The following SLC16A2 variants were observed in gnomAD, a reference collection of about 807,000 sequenced individuals.
SLC16A2 encodes the protein solute carrier family 16 member 2, also known as monocarboxylate transporter 8.
SLC16A2 carries 3 observed loss-of-function variants against 27.2 expected under a neutral mutation model. The ratio of observed to expected loss-of-function variants is 0.11; its 90% CI spans 0.05 to 0.28. SLC16A2 has a LOEUF of 0.28. Among genes scored for constraint, SLC16A2 ranks in the 10% least tolerant of loss-of-function variants. The pLI, the probability that SLC16A2 is intolerant of heterozygous loss-of-function variation, is 1.00. For missense variants in SLC16A2, 295 were observed against 458.5 expected, an observed-to-expected ratio of 0.64 and a Z score of 3.26; for synonymous variants, 202 against 187.8, an observed-to-expected ratio of 1.08 and a Z score of -0.62.
chrX:74,457,325 C>A (rs1339792307), intron 1 of SLC16A2, among the ~76,000 whole-genome samples: 2 of 111,227 alleles, frequency 1.8e-5, no homozygotes, highest in Non-Finnish European at 3.8e-5. Flanking sequence ...GATCAAGGAT[C>A]ACTGCTCAGG....
chrX:74,482,884 T>C (rs1245131908), intron 1 of SLC16A2, among the ~76,000 whole-genome samples: 1 of 111,144 alleles, frequency 9.0e-6, no homozygotes, highest in African/African-American at 3.3e-5. Flanking sequence ...ATTTTGTTTA[T>C]TTTTTGTAGA....
intron 1 of SLC16A2, among the ~76,000 whole-genome samples, chrX:74,507,766 G>A (rs1032944315): frequency 8.9e-6 from 1 of 111,982 alleles, no homozygotes; most frequent in African/African-American, 3.2e-5. Context: ...TAGAACTGGA[G>A]GCCATTATCT....
intron 1 of SLC16A2, among the ~76,000 whole-genome samples, chrX:74,496,691 G>T (rs1184808937): frequency 8.9e-6 from 1 of 112,540 alleles, no homozygotes; most frequent in Non-Finnish European, 1.9e-5. Context: ...CTGTATCCTG[G>T]GTTCTTGCCT....
intron 1 of SLC16A2, among the ~76,000 whole-genome samples, chrX:74,428,489 C>G (rs1167802420): frequency 9.0e-6 from 1 of 111,336 alleles, no homozygotes; most frequent in Non-Finnish European, 1.9e-5. Flanking sequence ...CCCTTTTTTC[C>G]CAGTATTGTT....
intron 1 of SLC16A2, among the ~76,000 whole-genome samples, chrX:74,510,896 T>TAA (rs576905046): frequency 0.013 from 1,184 of 92,994 alleles, 12 homozygotes; most frequent in African/African-American, 0.034. Flanking sequence ...TTCAAAAACT[T>TAA]AAAAAAAAAA....
At chrX:74,459,927 A>G (rs1021914884) in intron 1 of SLC16A2, among the ~76,000 whole-genome samples, 1 of 111,734 alleles carries the variant, frequency 8.9e-6, no homozygotes, top group Non-Finnish European at 1.9e-5. Flanking sequence ...CAGAACAAGT[A>G]CTGGGATGTC....
intron 1 of SLC16A2, among the ~76,000 whole-genome samples, chrX:74,476,264 C>A (rs1177673343): frequency 1.8e-5 from 2 of 111,477 alleles, no homozygotes; most frequent in Non-Finnish European, 1.9e-5. Context: ...GAGTTCACTC[C>A]TGATTTGGCT....
intron 1 of SLC16A2, among the ~76,000 whole-genome samples, chrX:74,429,400 C>T (rs1239296055): frequency 8.4e-5 from 9 of 107,556 alleles, no homozygotes; most frequent in Non-Finnish European, 1.2e-4. Context: ...TGAGCCAAGG[C>T]GGTTGACGTT....
intron 1 of SLC16A2, among the ~76,000 whole-genome samples, chrX:74,423,564 A>G (rs1928352419): frequency 9.0e-6 from 1 of 111,557 alleles, no homozygotes; most frequent in Non-Finnish European, 1.9e-5. Context: ...CGATGAAGAT[A>G]GTGCGTCAGT....
At chrX:74,501,947 T>C (rs1602134308) in intron 1 of SLC16A2, among the ~76,000 whole-genome samples, 1 of 111,612 alleles carries the variant, frequency 9.0e-6, no homozygotes, top group African/African-American at 3.3e-5. Flanking sequence ...TGTACCCTAG[T>C]ACTTAAAGTA....
intron 3 of SLC16A2, 71 bp downstream of exon 3, chrX:74,524,880 A>T: frequency 3.3e-5 from 29 of 885,476 alleles, no homozygotes; most frequent in Non-Finnish European, 4.7e-5. Context: ...TAGATTCCAG[A>T]GGGTGGGGGT....
intron 1 of SLC16A2, among the ~76,000 whole-genome samples, chrX:74,508,168 T>C (rs1368979002): frequency 8.9e-6 from 1 of 112,246 alleles, no homozygotes; most frequent in South Asian, 3.7e-4. Context: ...TCTAACTTTA[T>C]TCCTTGTCAA....
chrX:74,452,754 A>G (rs1367442285), intron 1 of SLC16A2, among the ~76,000 whole-genome samples: 1 of 111,151 alleles, frequency 9.0e-6, no homozygotes, highest in Non-Finnish European at 1.9e-5. Context: ...AATTGTCCTC[A>G]GCCTACAGTT....
intron 1 of SLC16A2, among the ~76,000 whole-genome samples, chrX:74,503,203 G>A (rs939122544): frequency 9.1e-6 from 1 of 110,151 alleles, no homozygotes; most frequent in East Asian, 2.8e-4. Context: ...AATCCCTCTT[G>A]TTCTAAAGGA....
rs1283259041 is a variant in SLC16A2 at position 74,421,901 on chromosome X, C to T, written c.264C>T (p.Thr88=). Residue 88 remains threonine, a synonymous_variant, in exon 1 of 6, where the codon ACC becomes ACT. Coordinates refer to ENST00000587091, the MANE Select transcript of SLC16A2 (RefSeq NM_006517.5). ...CGCCTACGGTAGAGACCCGCGGCACCGCGCGCGGCTTCCAGCCTCCCGAAG... is the reference window on the plus strand; with the variant it reads ...CGCCTACGGTAGAGACCCGCGGCACTGCGCGCGGCTTCCAGCCTCCCGAAG... ...EPTPTVETRG[T]ARGFQPPEGG... 15 of 1,209,391 alleles carry T rather than the reference C, an allele frequency of 1.2e-5. No homozygotes were observed. Among genetic ancestry groups the T allele is most frequent in the Non-Finnish European group, 1.7e-5 (15 of 894,861 alleles).
chrX:74,517,755 T>G (rs187465973), intron 1 of SLC16A2, among the ~76,000 whole-genome samples: 16 of 111,880 alleles, frequency 1.4e-4, no homozygotes, highest in African/African-American at 4.5e-4. Flanking sequence ...GATAACATTT[T>G]CATTACCCCC....
At chrX:74,472,982 G>T (rs1929386427) in intron 1 of SLC16A2, 1 of 455,968 alleles carries the variant, frequency 2.2e-6, no homozygotes, top group Non-Finnish European at 3.9e-6. Context: ...CCACTTCTCT[G>T]GCTCTCCGCT....
chrX:74,527,484 G>T (rs1795178470), intron 4 of SLC16A2, among the ~76,000 whole-genome samples: 1 of 111,918 alleles, frequency 8.9e-6, no homozygotes, highest in African/African-American at 3.3e-5. Context: ...ACACCTTCAG[G>T]TTCTGAAGAG....
Position 74,532,026 on chromosome X carries a change from A to G in SLC16A2, c.*473A>G. 5.6e-6 allele frequency: 1 copy of G among 178,684 alleles called. No homozygotes were observed. The highest frequency in any genetic ancestry group is 1.1e-5 in the Non-Finnish European group (1 of 94,363). 14.7% of individuals were successfully genotyped at this position (178,684 alleles called of 1,213,427 possible). A position where few individuals can be genotyped will look rare whatever the true frequency, so the allele number is the denominator to read the frequency against. On this transcript the variant is annotated 3_prime_UTR_variant, in exon 6 of 6. Coordinates refer to ENST00000587091, the MANE Select transcript of SLC16A2 (RefSeq NM_006517.5). ...GAGGGGCAGGGAGGCAAAATGAGAC[A>G]AGTAGCCTTGGTTAGTCTTAGAGTT...
Sources: allele counts gnomAD v4.1 joint callset (sites outside exome capture counted in the v4.1 genomes callset), GRCh38; gene constraint gnomAD v4.1.1; transcripts MANE v1.5; gene names NCBI Gene and HGNC (gene_info 2026-07-23, HGNC 2026-07-21).